Variants in DIPK1B observed in about 807,000 individuals in gnomAD.
The protein encoded by DIPK1B is divergent protein kinase domain 1B.
Under a neutral mutation model 20.7 loss-of-function variants are expected in DIPK1B, and 17 were observed. The observed-to-expected ratio is 0.82, with a 90% CI of 0.56 to 1.23. The LOEUF (loss-of-function observed/expected upper bound fraction) is 1.23, where lower values mean the gene tolerates loss of function less well. DIPK1B is among the 50% of genes most tolerant of loss of function. DIPK1B has a pLI of 0.00. For missense variants in DIPK1B, 648 were observed against 601.8 expected (o/e 1.08, Z -0.80); for synonymous variants, 343 against 276.5 (o/e 1.24, Z -2.39).
chr9:136,714,035 C>T (rs889294448), intron 1 of DIPK1B, among the ~76,000 whole-genome samples: 2 of 152,224 alleles, frequency 1.3e-5, no homozygotes, highest in Non-Finnish European at 2.9e-5. Flanking sequence ...GTGGGGCCAC[C>T]TCCACACTCA....
intron 2 of DIPK1B, among the ~76,000 whole-genome samples, chr9:136,720,578 G>A (rs959786059): frequency 6.6e-6 from 1 of 152,206 alleles, no homozygotes; most frequent in Non-Finnish European, 1.5e-5. Context: ...CTGAGGAGGG[G>A]CGGCAGCCAG....
intron 4 of DIPK1B, 124 bp downstream of exon 4, chr9:136,722,425 A>C: frequency 8.9e-7 from 1 of 1,118,872 alleles, no homozygotes; most frequent in Non-Finnish European, 1.3e-6. Flanking sequence ...CCCTGGGCAG[A>C]CCTCCCATCC....
At chr9:136,722,864 C>T (rs1846631088) in intron 4 of DIPK1B, 98 bp from the exon 5 acceptor site, 12 of 1,293,736 alleles carry the variant, frequency 9.3e-6, no homozygotes, top group Admixed American at 2.5e-5. Context: ...CTGGTCTGGC[C>T]GGCAGACCAC....
chr9:136,717,137 G>A (rs995900974), intron 1 of DIPK1B, among the ~76,000 whole-genome samples: 11 of 151,892 alleles, frequency 7.2e-5, no homozygotes, highest in African/African-American at 2.7e-4. Context: ...GCTGACGCAG[G>A]AGAATCACTT....
chr9:136,724,345 AAC>A lies in DIPK1B; in HGVS notation c.*573_*574del, dbSNP rs1846669732. Among the ~76,000 whole-genome samples, 1 of 152,236 alleles carries A rather than the reference AAC, an allele frequency of 6.6e-6. No individual in the cohort carries two copies. The highest frequency in any genetic ancestry group is 6.5e-5 in the Admixed American group (1 of 15,288). ...CAAGAAAAAGGTGTTCCAGTAAGAA[AAC>A]AGATATATGCGGTATTTTAAAAACT... On this transcript the variant is annotated 3_prime_UTR_variant, in exon 5 of 5. Coordinates refer to ENST00000371692, the MANE Select transcript of DIPK1B (RefSeq NM_152421.4).
rs547055632 is a variant in DIPK1B at position 136,717,895 on chromosome 9, G to A, written c.198+184G>A. ...GGAGGACAGGGGTCCAGGGGAGGAC[G>A]GGGGAGACGTGCGGGGCTGCCTCAG... On this transcript the variant is annotated intron_variant, in intron 2 of 4. Coordinates refer to ENST00000371692, the MANE Select transcript of DIPK1B (RefSeq NM_152421.4). 4.6e-3 allele frequency among the ~76,000 whole-genome samples: 692 copies of A among 151,712 alleles called. 5 individuals are homozygous for A. The highest frequency in any genetic ancestry group is 0.016 in the African/African-American group (668 of 41,346).
chr9:136,712,936 C>A lies in DIPK1B; in HGVS notation c.63+208C>A, dbSNP rs547373001. Among the ~76,000 whole-genome samples, 1 of 152,260 alleles carries A rather than the reference C, an allele frequency of 6.6e-6. No individual in the cohort carries two copies. Among genetic ancestry groups the A allele is most frequent in the Non-Finnish European group, 1.5e-5 (1 of 67,982 alleles). ...GGTGGCGGCGACAGGAGGGTCCGGG[C>A]GCGGGGATGCTGCGGCCTGGAGGCC... On this transcript the variant is annotated intron_variant, in intron 1 of 4. Transcript: ENST00000371692. The surrounding 1 kb of genome is among the most constrained non-coding windows in gnomAD (Gnocchi z 5.6).
In DIPK1B at chr9:136,724,044, G is replaced by A; in HGVS notation, c.*270G>A. 1 of 470,780 alleles carries A rather than the reference G, an allele frequency of 2.1e-6. No homozygotes were observed. Among genetic ancestry groups the A allele is most frequent in the Admixed American group, 3.7e-5 (1 of 27,224 alleles). 29.2% of individuals were successfully genotyped at this position (470,780 alleles called of 1,614,324 possible). A position where few individuals can be genotyped will look rare whatever the true frequency, so the allele number is the denominator to read the frequency against. On this transcript the variant is annotated 3_prime_UTR_variant, in exon 5 of 5. Transcript: ENST00000371692. ...ATAAACAGCTTTTATGTAATGCCCAGGGCTGAGCACCCTGAGCCCCCATCG... is the reference window on the plus strand; with the variant it reads ...ATAAACAGCTTTTATGTAATGCCCAAGGCTGAGCACCCTGAGCCCCCATCG...
Position 136,723,195 on chromosome 9 carries a change from G to A in DIPK1B, c.717G>A (p.Trp239Ter). 3.7e-6 allele frequency: 6 copies of A among 1,612,486 alleles called. No individual in the cohort carries two copies. The highest frequency in any genetic ancestry group is 4.2e-6 in the Non-Finnish European group (5 of 1,179,792). Reference sequence around the variant, plus strand: ...CCGAGGGCGTGCCGCATGGCGCCTGGCACGCGGCCGCCCTTCCACCCCTGT... The same window carrying A: ...CCGAGGGCGTGCCGCATGGCGCCTGACACGCGGCCGCCCTTCCACCCCTGT... The part of the protein sequence containing the change: ...YLTEGVPHGA[W>*]HAAALPPLLR... Residue 239 changes from tryptophan to a stop codon, truncating the protein, a stop_gained, in exon 5 of 5, where the codon TGG (tryptophan) becomes TGA (stop). Coordinates refer to ENST00000371692, the MANE Select transcript of DIPK1B (RefSeq NM_152421.4). LOFTEE classifies it low-confidence loss of function (END_TRUNC).
chr9:136,723,196 C>T lies in DIPK1B; in HGVS notation c.718C>T (p.His240Tyr). Residue 240 changes from histidine (H) to tyrosine (Y), a missense_variant, in exon 5 of 5, where the codon CAC becomes TAC. Transcript: ENST00000371692. ...LTEGVPHGAW[H>Y]AAALPPLLRP... The stretch of plus-strand genomic sequence containing the variant: ...CGAGGGCGTGCCGCATGGCGCCTGG[C>T]ACGCGGCCGCCCTTCCACCCCTGTT... The T allele has an allele frequency of 1.2e-6, 2 of 1,612,536 alleles. No individual in the cohort carries two copies. The highest frequency in any genetic ancestry group is 1.1e-5 in the South Asian group (1 of 91,072).
intron 1 of DIPK1B, among the ~76,000 whole-genome samples, chr9:136,715,226 C>G (rs930948675): frequency 6.6e-6 from 1 of 152,260 alleles, no homozygotes; most frequent in African/African-American, 2.4e-5. Flanking sequence ...TCAGGGATGT[C>G]TGAACCCCTG....
At chr9:136,716,371 A>C (rs1245684034) in intron 1 of DIPK1B, among the ~76,000 whole-genome samples, 1 of 148,508 alleles carries the variant, frequency 6.7e-6, no homozygotes, top group Non-Finnish European at 1.5e-5. Context: ...GGGTTCAATC[A>C]ATCCTCCAGC....
chr9:136,719,828 C>T (rs1298719587), intron 2 of DIPK1B, among the ~76,000 whole-genome samples: 1 of 152,214 alleles, frequency 6.6e-6, no homozygotes, highest in East Asian at 1.9e-4. Context: ...AGGAGCAGGG[C>T]AGCCTCCTGC....
At chr9:136,714,640 C>T (rs1471559748) in intron 1 of DIPK1B, among the ~76,000 whole-genome samples, 1 of 152,238 alleles carries the variant, frequency 6.6e-6, no homozygotes, top group East Asian at 1.9e-4. Flanking sequence ...TCTCTGCTTT[C>T]CTGTTTTTCA....
intron 4 of DIPK1B, 163 bp downstream of exon 4, chr9:136,722,464 G>A: frequency 2.3e-6 from 2 of 871,042 alleles, no homozygotes; most frequent in South Asian, 3.5e-5. Flanking sequence ...GCCCTGCCAG[G>A]GAAGGAGCCT....
At chr9:136,720,593 A>C (rs1413984371) in intron 2 of DIPK1B, among the ~76,000 whole-genome samples, 1 of 152,158 alleles carries the variant, frequency 6.6e-6, no homozygotes, top group Admixed American at 6.5e-5. Context: ...AGCCAGCCCC[A>C]GGCCTGATGT....
At position 136,723,853 on chromosome 9, in the gene DIPK1B, CAGA is replaced by C. The variant is rs1327173665; in HGVS notation, c.*83_*85del. 1.3e-5 allele frequency: 18 copies of C among 1,391,270 alleles called. No individual in the cohort carries two copies. Among genetic ancestry groups the C allele is most frequent in the East Asian group, 7.5e-5 (3 of 39,814 alleles). 86.2% of individuals were successfully genotyped at this position (1,391,270 alleles called of 1,614,324 possible). A position where few individuals can be genotyped will look rare whatever the true frequency, so the allele number is the denominator to read the frequency against. On this transcript the variant is annotated 3_prime_UTR_variant, in exon 5 of 5. Transcript: ENST00000371692. ...CCAACCCTCCCTCAAGGAATCCTGT[CAGA>C]AGATGTGAAATGCAACTGTGTTGCA...
Position 136,722,222 on chromosome 9 carries a change from G to A in DIPK1B, c.404G>A (p.Arg135Gln), listed in dbSNP as rs1402938547. 9.3e-6 allele frequency: 15 copies of A among 1,613,872 alleles called. No homozygotes were observed. The highest frequency in any genetic ancestry group is 6.7e-5 in the Admixed American group (4 of 60,006). The part of the protein sequence containing the change: ...SKARSDAAPR[R>Q]ELVLFDKPTR... ...GCCCGGTCGGATGCGGCCCCCCGGC[G>A]GGAGCTGGTACTGTTTGACAAGCCC... The change falls in exon 4 of 5, where the codon CGG becomes CAG. Residue 135 changes from arginine (R) to glutamine (Q), a missense_variant. Coordinates refer to ENST00000371692, the MANE Select transcript of DIPK1B (RefSeq NM_152421.4).
intron 4 of DIPK1B, chr9:136,722,753 C>G: frequency 1.6e-6 from 1 of 626,208 alleles, no homozygotes. Flanking sequence ...GGAGGTCTGT[C>G]TGGCAGCAGC....
Sources: gnomAD v4.1 joint callset for allele counts (sites outside exome capture counted in the v4.1 genomes callset) on GRCh38, gnomAD v4.1.1 for gene constraint, Gnocchi (gnomAD v3.1) non-coding constraint, MANE v1.5 for transcripts, NCBI Gene and HGNC (gene_info 2026-07-23, HGNC 2026-07-21) for gene names.